HK1: variants seen among roughly 807,000 people sequenced by gnomAD.
The protein encoded by HK1 is hexokinase 1, also known as hexokinase-1.
In HK1, 28 loss-of-function variants were observed where a neutral mutation model predicts 91.6. That is an observed-to-expected ratio of 0.31 (90% CI 0.23 to 0.42). The LOEUF (loss-of-function observed/expected upper bound fraction) is 0.42. Among genes scored for constraint, HK1 ranks in the 10% least tolerant of loss-of-function variants. The probability of loss-of-function intolerance (pLI) is 1.00; values close to 1 mark genes in which losing one functional copy is unlikely to be tolerated. For synonymous variants in HK1, 430 were observed against 468.1 expected, an observed-to-expected ratio of 0.92 and a Z score of 1.05; for missense variants, 770 against 1,219.8, an observed-to-expected ratio of 0.63 and a Z score of 5.49.
chr10:69,315,230 T>G (rs1467191573), upstream of HK1, among the ~76,000 whole-genome samples: 1 of 152,256 alleles, frequency 6.6e-6, no homozygotes, highest in African/African-American at 2.4e-5. Context: ...AACATTGCTA[T>G]TCAGAGTGTG....
upstream of HK1, chr10:69,316,140 T>C: frequency 1.2e-6 from 1 of 822,138 alleles, no homozygotes; most frequent in South Asian, 1.3e-5. Context: ...ACAAATGGAG[T>C]GGACATGGTG....
intron 1 of HK1, among the ~76,000 whole-genome samples, chr10:69,274,829 G>T (rs1844352403): frequency 6.6e-6 from 1 of 152,034 alleles, no homozygotes; most frequent in Non-Finnish European, 1.5e-5. Context: ...ACTCTGTCTA[G>T]CCAGCTCACA....
chr10:69,372,406 TG>T (rs2132831131), intron 7 of HK1, among the ~76,000 whole-genome samples: 1 of 152,376 alleles, frequency 6.6e-6, no homozygotes, highest in East Asian at 1.9e-4. Flanking sequence ...AGCAAATTTT[TG>T]CTGTGCCCCC....
At chr10:69,289,165 G>A (rs1311864553) in intron 3 of HK1, among the ~76,000 whole-genome samples, 2 of 152,156 alleles carry the variant, frequency 1.3e-5, no homozygotes, top group African/African-American at 2.4e-5. Flanking sequence ...CCATCTTAGA[G>A]GAGGGAAAAC....
chr10:69,348,075 G>C (rs1377936472), intron 2 of HK1, among the ~76,000 whole-genome samples: 1 of 152,056 alleles, frequency 6.6e-6, no homozygotes, highest in Non-Finnish European at 1.5e-5. Flanking sequence ...TATCCCTAAG[G>C]ATATTGTAAG....
chr10:69,355,062 C>G (rs1411836164), intron 2 of HK1, among the ~76,000 whole-genome samples: 7 of 122,200 alleles, frequency 5.7e-5, no homozygotes, highest in Non-Finnish European at 1.2e-4. Flanking sequence ...GAGGAAGACT[C>G]CCTCTCAAAA....
chr10:69,364,274 TA>T (rs1306208038), intron 3 of HK1, among the ~76,000 whole-genome samples: 1 of 152,188 alleles, frequency 6.6e-6, no homozygotes, highest in Non-Finnish European at 1.5e-5. Context: ...GGGGTATGCA[TA>T]AGACACTTCA....
At chr10:69,393,653 G>A (rs1016336821) in intron 15 of HK1, among the ~76,000 whole-genome samples, 2 of 152,224 alleles carry the variant, frequency 1.3e-5, no homozygotes, top group African/African-American at 2.4e-5. Flanking sequence ...AGAACCAATA[G>A]TACCATAAAG....
At chr10:69,347,030 CTCTTT>C (rs1366457743) in intron 2 of HK1, among the ~76,000 whole-genome samples, 3 of 152,004 alleles carry the variant, frequency 2.0e-5, no homozygotes, top group Admixed American at 6.6e-5. Context: ...CTTACATTTC[CTCTTT>C]TCTTTTCCTT....
chr10:69,388,235 T>TTGG (rs1342820913), intron 13 of HK1, among the ~76,000 whole-genome samples: 1 of 151,822 alleles, frequency 6.6e-6, no homozygotes, highest in Non-Finnish European at 1.5e-5. Context: ...AGCCCAGGAG[T>TTGG]TGGAGACCAG....
chr10:69,394,656 C>T (rs543927720), intron 15 of HK1, among the ~76,000 whole-genome samples: 3 of 152,128 alleles, frequency 2.0e-5, no homozygotes, highest in Non-Finnish European at 1.5e-5. Flanking sequence ...GGAGGACAGG[C>T]TCTCGGGGAA....
At chr10:69,294,091 G>C (rs1187015598) in intron 3 of HK1, among the ~76,000 whole-genome samples, 2 of 151,978 alleles carry the variant, frequency 1.3e-5, no homozygotes, top group Admixed American at 1.3e-4. Flanking sequence ...TCGATCTCCT[G>C]ACCTTGTGAT....
At chr10:69,393,004 G>A (rs998482717) in intron 15 of HK1, among the ~76,000 whole-genome samples, 4 of 152,192 alleles carry the variant, frequency 2.6e-5, no homozygotes, top group African/African-American at 7.2e-5. Flanking sequence ...TGTTTGAGGT[G>A]GAGTTTTGCT....
At chr10:69,338,557 T>C (rs1416173295) in intron 1 of HK1, 55 of 1,289,680 alleles carry the variant, frequency 4.3e-5, no homozygotes, top group Non-Finnish European at 5.6e-5. Flanking sequence ...TGCGGTGTCC[T>C]CCCCAACTCC....
chr10:69,306,384 AAAAT>A (rs910947944), intron 5 of HK1, among the ~76,000 whole-genome samples: 1 of 151,448 alleles, frequency 6.6e-6, no homozygotes, highest in African/African-American at 2.4e-5. Flanking sequence ...AATAAAATAA[AAAAT>A]AAATAAATAA....
chr10:69,377,595 G>A (rs1455879549), intron 8 of HK1, among the ~76,000 whole-genome samples: 6 of 152,116 alleles, frequency 3.9e-5, no homozygotes, highest in African/African-American at 1.2e-4. Flanking sequence ...TGACCAATAG[G>A]ATTGGGAATA....
intron 4 of HK1, among the ~76,000 whole-genome samples, chr10:69,299,358 T>TTTTG (rs76563350): frequency 0.28 from 41,391 of 149,204 alleles, 6,086 homozygotes; most frequent in Non-Finnish European, 0.33. Context: ...TGTTTGTGGT[T>TTTTG]TTTGTTTGTT....
At chr10:69,372,000 A>C (rs1778928996) in intron 7 of HK1, among the ~76,000 whole-genome samples, 1 of 152,222 alleles carries the variant, frequency 6.6e-6, no homozygotes, top group South Asian at 2.1e-4. Flanking sequence ...TTTACAAAAG[A>C]AAGAGGTTTA....
At chr10:69,368,775 G>A (rs1054704956) in intron 5 of HK1, 144 bp downstream of exon 5, 5 of 726,548 alleles carry the variant, frequency 6.9e-6, no homozygotes, top group African/African-American at 3.5e-5. Flanking sequence ...GGCTCACAGT[G>A]TGGAATGATG....
Sources: allele counts gnomAD v4.1 joint callset (sites outside exome capture counted in the v4.1 genomes callset), GRCh38; gene constraint gnomAD v4.1.1; transcripts MANE v1.5; gene names NCBI Gene and HGNC (gene_info 2026-07-23, HGNC 2026-07-21).